Variants in SLC35E4 observed in about 807,000 individuals in gnomAD.
SLC35E4 encodes solute carrier family 35, member E4.
In SLC35E4, 15 loss-of-function variants were observed where a neutral mutation model predicts 19.3. That is an observed-to-expected ratio of 0.78 (90% CI 0.52 to 1.20). The LOEUF (loss-of-function observed/expected upper bound fraction) is 1.20, where lower values mean the gene tolerates loss of function less well. Ranked by LOEUF, SLC35E4 falls within the 50% of genes most tolerant of loss-of-function variation. The probability of loss-of-function intolerance (pLI) is 0.00; values close to 1 mark genes in which losing one functional copy is unlikely to be tolerated. For missense variants in SLC35E4, 406 were observed against 472.3 expected (o/e 0.86, Z 1.30); for synonymous variants, 219 against 219.9 (o/e 1.00, Z 0.04).
At chr22:30,660,569 A>G (rs1446036374) in intron 2 of SLC35E4, among the ~76,000 whole-genome samples, 2 of 152,264 alleles carry the variant, frequency 1.3e-5, no homozygotes, top group Non-Finnish European at 2.9e-5. Context: ...AGTACAGGAC[A>G]GTATGGTACA....
rs764645222 is a variant in SLC35E4 at position 30,637,076 on chromosome 22, G to T, written c.619+7G>T. The T allele has an allele frequency of 5.2e-6, 8 of 1,549,298 alleles. No homozygotes were observed. Among genetic ancestry groups the T allele is most frequent in the Non-Finnish European group, 7.0e-6 (8 of 1,143,866 alleles). ...CTCAAGTCGGTTCAGCAAAGTAAGT[G>T]CCTGGGTGGCCAATTGAGAAGGTGG... On this transcript the variant is annotated splice_region_variant and intron_variant, in intron 1 of 1. Coordinates refer to ENST00000343605, the MANE Select transcript of SLC35E4 (RefSeq NM_001001479.4).
intron 2 of SLC35E4, among the ~76,000 whole-genome samples, chr22:30,653,048 G>C (rs1292496268): frequency 1.3e-5 from 2 of 152,142 alleles, no homozygotes; most frequent in Non-Finnish European, 2.9e-5. Context: ...TTCTGGGTGG[G>C]GTCTTGTCAG....
At chr22:30,664,059 G>C, downstream of SLC35E4, 1 of 1,499,242 alleles carries the variant, frequency 6.7e-7, no homozygotes, top group Non-Finnish European at 9.1e-7. Flanking sequence ...GCGTCTTTCT[G>C]CTAGGCTGTG....
At chr22:30,650,254 C>T (rs1207721741), downstream of SLC35E4, among the ~76,000 whole-genome samples, 1 of 151,832 alleles carries the variant, frequency 6.6e-6, no homozygotes. Context: ...ATCGCTTGAA[C>T]CTGGGAGGCG....
downstream of SLC35E4, among the ~76,000 whole-genome samples, chr22:30,666,234 C>T (rs1265911936): frequency 6.6e-6 from 1 of 152,176 alleles, no homozygotes; most frequent in Non-Finnish European, 1.5e-5. Context: ...GAGGAATGTG[C>T]TGTTCATTAT....
At position 30,636,510 on chromosome 22, in the gene SLC35E4, A is replaced by G. The variant is rs1168267636; in HGVS notation, c.60A>G (p.Ala20=). 6.5e-7 allele frequency: 1 copy of G among 1,543,406 alleles called. No homozygotes were observed. Among genetic ancestry groups the G allele is most frequent in the South Asian group, 1.2e-5 (1 of 84,256 alleles). ...DGRMTSAEVG[A]AAGGAQAAGP... ...GGATGACCTCAGCCGAAGTAGGAGC[A>G]GCAGCTGGTGGTGCTCAGGCGGCTG... The change falls in exon 1 of 2, where the codon GCA becomes GCG. Residue 20 remains alanine (A), a synonymous_variant. Coordinates refer to ENST00000343605, the MANE Select transcript of SLC35E4 (RefSeq NM_001001479.4).
chr22:30,657,291 AC>A (rs2088358619), intron 2 of SLC35E4, among the ~76,000 whole-genome samples: 6 of 150,900 alleles, frequency 4.0e-5, no homozygotes, highest in Admixed American at 1.3e-4. Flanking sequence ...ACACACACAC[AC>A]ACACACACAC....
Position 30,636,934 on chromosome 22 carries a change from C to T in SLC35E4, c.484C>T (p.Leu162Phe). The change falls in exon 1 of 2, where the codon CTT becomes TTT. Residue 162 changes from leucine (L) to phenylalanine (F), a missense_variant. Physicochemically the swap from Leu to Phe is conservative, Grantham distance 22. Coordinates refer to ENST00000343605, the MANE Select transcript of SLC35E4 (RefSeq NM_001001479.4). ...GCTGCTGGGCCGCCGCCACCACCCA[C>T]TTCAGTTGGCCGCCATGGGTCCGCT... ...ALLLGRRHHP[L>F]QLAAMGPLCL... 6.2e-7 allele frequency: 1 copy of T among 1,612,136 alleles called. No individual in the cohort carries two copies. The highest frequency in any genetic ancestry group is 1.1e-5 in the South Asian group (1 of 90,998).
At chr22:30,638,580 GGCAA>G (rs2087987915) in intron 1 of SLC35E4, among the ~76,000 whole-genome samples, 4 of 151,508 alleles carry the variant, frequency 2.6e-5, no homozygotes, top group Admixed American at 2.6e-4. Context: ...GGGAGGCCGA[GGCAA>G]GTGGATCACC....
chr22:30,663,653 G>C, downstream of SLC35E4: 1 of 1,614,240 alleles, frequency 6.2e-7, no homozygotes, highest in South Asian at 1.1e-5. Flanking sequence ...TCATGAGGTA[G>C]GCGAGGCACA....
downstream of SLC35E4, chr22:30,663,345 C>T: frequency 7.6e-7 from 1 of 1,315,946 alleles, no homozygotes; most frequent in South Asian, 1.5e-5. Flanking sequence ...TTTTCTGTAT[C>T]AACAAAAGTA....
chr22:30,638,806 CTG>C (rs2087992312), intron 1 of SLC35E4, among the ~76,000 whole-genome samples: 1 of 151,564 alleles, frequency 6.6e-6, no homozygotes, highest in African/African-American at 2.4e-5. Flanking sequence ...GAGTGAAACT[CTG>C]TCTCAAAATT....
chr22:30,654,620 C>T, intron 2 of SLC35E4: 9 of 463,462 alleles, frequency 1.9e-5, no homozygotes, highest in South Asian at 1.3e-4. Flanking sequence ...TGGTAGGTGC[C>T]TCGGGAAGGG....
At chr22:30,643,748 G>GA (rs2088084275) in intron 1 of SLC35E4, among the ~76,000 whole-genome samples, 1 of 152,182 alleles carries the variant, frequency 6.6e-6, no homozygotes, top group Non-Finnish European at 1.5e-5. Flanking sequence ...CACAGCCCGT[G>GA]AAAGAGCAAA....
intron 2 of SLC35E4, among the ~76,000 whole-genome samples, chr22:30,656,884 G>A (rs1382093580): frequency 6.6e-6 from 1 of 152,180 alleles, no homozygotes; most frequent in Non-Finnish European, 1.5e-5. Context: ...GGAGGCTGAG[G>A]AGGAAGGATC....
At position 30,636,759 on chromosome 22, in the gene SLC35E4, A is replaced by T; in HGVS notation, c.309A>T (p.Pro103=). 2 of 1,612,230 alleles carry T rather than the reference A, an allele frequency of 1.2e-6. No individual in the cohort carries two copies. The highest frequency in any genetic ancestry group is 1.1e-5 in the South Asian group (1 of 90,984). The change falls in exon 1 of 2, where the codon CCA becomes CCT. Residue 103 remains proline, a synonymous_variant. Transcript: ENST00000343605. Reference sequence around the variant, plus strand: ...ACCGGGGGGCACGGCGCCCCATGCCAGGCGGCACTCGCTGCCGAGTCCTAC... The same window carrying T: ...ACCGGGGGGCACGGCGCCCCATGCCTGGCGGCACTCGCTGCCGAGTCCTAC... The part of the protein sequence containing the change: ...ACHRGARRPM[P]GGTRCRVLLL...
rs955129930 is a variant in SLC35E4, at chr22:30,647,268, C to T, written c.*237C>T. The T allele has an allele frequency of 1.3e-5, 7 of 544,494 alleles. No individual in the cohort carries two copies. The highest frequency in any genetic ancestry group is 2.3e-5 in the Non-Finnish European group (7 of 310,476). 33.7% of individuals were successfully genotyped at this position (544,494 alleles called of 1,614,324 possible). A position where few individuals can be genotyped will look rare whatever the true frequency, so the allele number is the denominator to read the frequency against. On this transcript the variant is annotated 3_prime_UTR_variant, in exon 2 of 2. Coordinates refer to ENST00000343605, the MANE Select transcript of SLC35E4 (RefSeq NM_001001479.4). ...GAAAAATTAGCTGGGCATGGTGGCGCGTGCCTATAGTCCCAGCTACATGGG... is the reference window on the plus strand; with the variant it reads ...GAAAAATTAGCTGGGCATGGTGGCGTGTGCCTATAGTCCCAGCTACATGGG...
chr22:30,651,602 T>C (rs929283303), downstream of SLC35E4, among the ~76,000 whole-genome samples: 2 of 151,422 alleles, frequency 1.3e-5, no homozygotes, highest in African/African-American at 2.4e-5. Context: ...TCTTGATAAG[T>C]AGACCTTCAA....
At chr22:30,666,807 C>T (rs2088688648), downstream of SLC35E4, 1 of 152,032 alleles carries the variant, frequency 6.6e-6, no homozygotes, top group Admixed American at 6.6e-5. Flanking sequence ...CAGTACCTAC[C>T]TTAAAAGGAT....
Sources: gnomAD v4.1 joint callset for allele counts (sites outside exome capture counted in the v4.1 genomes callset) on GRCh38, gnomAD v4.1.1 for gene constraint, MANE v1.5 for transcripts, NCBI Gene and HGNC (gene_info 2026-07-23, HGNC 2026-07-21) for gene names.